RALYL: variants seen among roughly 807,000 people sequenced by gnomAD.
The protein encoded by RALYL is RALY RNA binding protein like.
RALYL carries 29 observed loss-of-function variants against 35.1 expected under a neutral mutation model. The observed-to-expected ratio is 0.83, with a 90% CI of 0.61 to 1.13. RALYL has a LOEUF of 1.13. Among genes scored for constraint, RALYL ranks in the 50% most tolerant of loss-of-function variants. The pLI, the probability that RALYL is intolerant of heterozygous loss-of-function variation, is 0.00. For synonymous variants in RALYL, 120 were observed against 127.6 expected (o/e 0.94, Z 0.40); for missense variants, 359 against 360.4 (o/e 1.00, Z 0.03).
intron 2 of RALYL, among the ~76,000 whole-genome samples, chr8:84,583,709 T>C (rs1811357737): frequency 6.6e-6 from 1 of 152,160 alleles, no homozygotes; most frequent in Non-Finnish European, 1.5e-5. Flanking sequence ...CCTGCACAAT[T>C]ATAAAATATA....
chr8:84,350,360 A>G (rs1007489577), intron 1 of RALYL, among the ~76,000 whole-genome samples: 6 of 150,546 alleles, frequency 4.0e-5, no homozygotes, highest in Non-Finnish European at 7.4e-5. Context: ...GTTGCTGTTG[A>G]GTGCTGTTTT....
intron 1 of RALYL, among the ~76,000 whole-genome samples, chr8:84,350,645 T>C (rs887802042): frequency 1.3e-5 from 2 of 150,254 alleles, no homozygotes; most frequent in Non-Finnish European, 3.0e-5. Context: ...ATCAGAGTGC[T>C]ACACCATTTA....
chr8:84,907,984 G>A (rs868299363), intron 8 of RALYL, among the ~76,000 whole-genome samples: 1 of 152,020 alleles, frequency 6.6e-6, no homozygotes, highest in Non-Finnish European at 1.5e-5. Context: ...GAAATGTTAA[G>A]ACTGACACAA....
At chr8:84,666,552 T>A (rs1443891691) in intron 2 of RALYL, among the ~76,000 whole-genome samples, 1 of 151,790 alleles carries the variant, frequency 6.6e-6, no homozygotes, top group Non-Finnish European at 1.5e-5. Context: ...AACTGAGGAG[T>A]TACAAAAAAT....
chr8:84,372,886 G>GTTTTTTTTTTGTTTTTTTTT (rs1856068702), intron 1 of RALYL, among the ~76,000 whole-genome samples: 2 of 39,066 alleles, frequency 5.1e-5, no homozygotes, highest in African/African-American at 2.2e-4. Context: ...GCCAGCATCT[G>GTTTTTTTTTTGTTTTTTTTT]TTTTTTTTTT....
intron 1 of RALYL, among the ~76,000 whole-genome samples, chr8:84,426,419 T>C (rs1316095590): frequency 2.1e-5 from 3 of 145,254 alleles, no homozygotes; most frequent in African/African-American, 5.1e-5. Flanking sequence ...AACTACTCTT[T>C]TGCGTTCTCT....
intron 2 of RALYL, among the ~76,000 whole-genome samples, chr8:84,586,011 A>T (rs1811915653): frequency 6.6e-6 from 1 of 152,064 alleles, no homozygotes; most frequent in Non-Finnish European, 1.5e-5. Flanking sequence ...CCTGACCAAC[A>T]TGGTGAAACC....
rs1211859430 is a variant in RALYL, at chr8:84,921,702, T to A, written c.*791T>A. On this transcript the variant is annotated 3_prime_UTR_variant, in exon 9 of 9. Transcript: ENST00000521268. ...CATTTCACCTCCTGTTCCTAGGAACTCTCCATTCCCAAGCATTGCCAGTGT... is the reference window on the plus strand; with the variant it reads ...CATTTCACCTCCTGTTCCTAGGAACACTCCATTCCCAAGCATTGCCAGTGT... 2 of 152,182 alleles carry A rather than the reference T, an allele frequency of 1.3e-5. No individual in the cohort carries two copies. Among genetic ancestry groups the A allele is most frequent in the East Asian group, 1.9e-4 (1 of 5,196 alleles). The allele number at this position is 152,182 out of a possible 1,614,324, so 9.4% of individuals were successfully genotyped here.
chr8:84,674,978 TAA>T (rs557848615), intron 2 of RALYL, among the ~76,000 whole-genome samples: 6 of 143,076 alleles, frequency 4.2e-5, no homozygotes, highest in Non-Finnish European at 3.1e-5. Context: ...AGTGCAGATG[TAA>T]AAAAAAAAAA....
At chr8:84,398,462 A>C (rs983604254) in intron 1 of RALYL, among the ~76,000 whole-genome samples, 1 of 152,190 alleles carries the variant, frequency 6.6e-6, no homozygotes, top group Non-Finnish European at 1.5e-5. Flanking sequence ...GTGAAAGATA[A>C]GAGGACCTAG....
At chr8:84,596,066 C>T (rs1424538037) in intron 2 of RALYL, among the ~76,000 whole-genome samples, 1 of 152,094 alleles carries the variant, frequency 6.6e-6, no homozygotes, top group Non-Finnish European at 1.5e-5. Context: ...TATGAGTTTA[C>T]TATCAAATGG....
At chr8:84,322,730 T>C (rs1435735804) in intron 1 of RALYL, among the ~76,000 whole-genome samples, 1 of 152,066 alleles carries the variant, frequency 6.6e-6, no homozygotes, top group African/African-American at 2.4e-5. Flanking sequence ...CAGTGCCTGG[T>C]AGAGTATTTG....
At chr8:84,333,827 A>G (rs1251495522) in intron 1 of RALYL, among the ~76,000 whole-genome samples, 1 of 152,128 alleles carries the variant, frequency 6.6e-6, no homozygotes, top group Non-Finnish European at 1.5e-5. Flanking sequence ...TAATTAATTT[A>G]TTTATTTTAG....
intron 1 of RALYL, among the ~76,000 whole-genome samples, chr8:84,282,575 G>A (rs893512379): frequency 2.6e-5 from 4 of 151,956 alleles, no homozygotes; most frequent in Non-Finnish European, 5.9e-5. Context: ...CAAAGACCCA[G>A]CCAAAATTTT....
At chr8:84,274,390 A>G (rs1834941018) in intron 1 of RALYL, among the ~76,000 whole-genome samples, 5 of 152,178 alleles carry the variant, frequency 3.3e-5, no homozygotes, top group Non-Finnish European at 5.9e-5. Flanking sequence ...GGTTAACTTC[A>G]GGAAGCTGAG....
At chr8:84,544,474 ACT>A (rs2060225620) in intron 2 of RALYL, among the ~76,000 whole-genome samples, 3 of 152,026 alleles carry the variant, frequency 2.0e-5, no homozygotes, top group East Asian at 1.9e-4. Flanking sequence ...TTTTGGAGAT[ACT>A]CTCTTTTTAT....
At chr8:84,819,313 A>G (rs554292413) in intron 4 of RALYL, among the ~76,000 whole-genome samples, 1 of 152,304 alleles carries the variant, frequency 6.6e-6, no homozygotes, top group East Asian at 1.9e-4. Context: ...CTACAACTGT[A>G]ATTTTAATTT....
chr8:84,300,878 A>C (rs1425047832), intron 1 of RALYL, among the ~76,000 whole-genome samples: 1 of 152,106 alleles, frequency 6.6e-6, no homozygotes, highest in East Asian at 1.9e-4. Flanking sequence ...CATTTGTCCT[A>C]TTTATATTCA....
At chr8:84,773,571 T>C (rs1816083137) in intron 2 of RALYL, among the ~76,000 whole-genome samples, 1 of 152,036 alleles carries the variant, frequency 6.6e-6, no homozygotes, top group Non-Finnish European at 1.5e-5. Context: ...GTCAGTTGTA[T>C]GCATAGACTG....
Sources: allele counts gnomAD v4.1 joint callset (sites outside exome capture counted in the v4.1 genomes callset), GRCh38; gene constraint gnomAD v4.1.1; transcripts MANE v1.5; gene names NCBI Gene and HGNC (gene_info 2026-07-23, HGNC 2026-07-21).